Variants in DENR observed in about 807,000 individuals in gnomAD.
The protein encoded by DENR is density regulated re-initiation and release factor.
In DENR, 6 loss-of-function variants were observed where a neutral mutation model predicts 30.6. That is an observed-to-expected ratio of 0.20 (90% CI 0.11 to 0.39). The LOEUF (loss-of-function observed/expected upper bound fraction) is 0.39. Ranked by LOEUF, DENR falls within the 10% of genes least tolerant of loss-of-function variation. The probability of loss-of-function intolerance (pLI) is 1.00; values close to 1 mark genes in which losing one functional copy is unlikely to be tolerated. For synonymous variants in DENR, 78 were observed against 72.1 expected (o/e 1.08, Z -0.41); for missense variants, 141 against 230.9 (o/e 0.61, Z 2.52).
rs1371808998 is a variant in DENR at position 122,769,753 on chromosome 12, C to T, written c.*675C>T. On this transcript the variant is annotated 3_prime_UTR_variant, in exon 8 of 8. Transcript: ENST00000280557. ...AACTCCTGACCTCGTGATTGGCCCA[C>T]CTCAGCCTCCCAAAGTGCTGGTATT... The T allele has an allele frequency of 3.9e-5, 6 of 152,402 alleles. No individual in the cohort carries two copies. The highest frequency in any genetic ancestry group is 5.9e-5 in the Non-Finnish European group (4 of 68,204). 9.4% of individuals were successfully genotyped at this position (152,402 alleles called of 1,614,324 possible). A position where few individuals can be genotyped will look rare whatever the true frequency, so the allele number is the denominator to read the frequency against.
chr12:122,763,488 C>CTG (rs1878762852), intron 4 of DENR, among the ~76,000 whole-genome samples: 1 of 152,038 alleles, frequency 6.6e-6, no homozygotes, highest in African/African-American at 2.4e-5. Flanking sequence ...GGTGGATCAC[C>CTG]TGTGGTCGGG....
At chr12:122,762,300 G>A in intron 3 of DENR, 94 bp downstream of exon 3, 1 of 879,110 alleles carries the variant, frequency 1.1e-6, no homozygotes, top group Non-Finnish European at 1.7e-6. Context: ...TTTCATTTTT[G>A]ATTATTTGAT....
intron 4 of DENR, among the ~76,000 whole-genome samples, chr12:122,763,591 C>T (rs911050655): frequency 1.3e-5 from 2 of 151,998 alleles, no homozygotes; most frequent in Admixed American, 6.6e-5. Flanking sequence ...ATCCTAGCTA[C>T]TCGGGAGGCT....
In DENR at chr12:122,768,819, A is replaced by G. The variant is rs776378968; in HGVS notation, c.450A>G (p.Gln150=). The change falls in exon 7 of 8, where the codon CAA becomes CAG. Residue 150 remains glutamine (Q), a synonymous_variant. Transcript: ENST00000280557. The part of the protein sequence containing the change: ...DLKEAQRFFA[Q]KFSCGASVTG... ...AAGAAGCACAAAGATTTTTTGCTCA[A>G]AAATTCTCCTGTGGTGCCTCAGTAA... The G allele has an allele frequency of 1.6e-5, 26 of 1,596,334 alleles. No individual in the cohort carries two copies. The highest frequency in any genetic ancestry group is 1.6e-4 in the African/African-American group (12 of 74,494).
intron 2 of DENR, 176 bp downstream of exon 2, chr12:122,753,983 G>GTA: frequency 1.6e-6 from 1 of 630,168 alleles, no homozygotes; most frequent in Non-Finnish European, 2.9e-6. Flanking sequence ...CCACCTGGGT[G>GTA]ATTTGTGTCT....
At chr12:122,762,749 C>A in intron 3 of DENR, 96 bp from the exon 4 acceptor site, 450 of 771,606 alleles carry the variant, frequency 5.8e-4, no homozygotes, top group East Asian at 1.3e-3. Context: ...TTGTTTTATT[C>A]TTTGTATTAA....
chr12:122,767,523 G>T lies in DENR; in HGVS notation c.331G>T (p.Val111Leu), dbSNP rs759381165. Reference protein sequence around the residue: ...RGQIKQKKKTVPQKVTIAKIP... With the variant: ...RGQIKQKKKTLPQKVTIAKIP... ...TCAAATAAAACAAAAAAAGAAGACC[G>T]TACCACAAAAGGTTACTATAGCCAA... Residue 111 changes from valine (V) to leucine (L), a missense_variant, in exon 6 of 8, where the codon GTA (valine) becomes TTA (leucine). Around this residue, in one of 2 missense-constraint regions of DENR, gnomAD observed 104 missense variants for 138.3 expected, o/e 0.75. Transcript: ENST00000280557. The T allele has an allele frequency of 1.3e-6, 2 of 1,590,038 alleles. No individual in the cohort carries two copies. The highest frequency in any genetic ancestry group is 2.3e-5 in the East Asian group (1 of 44,044).
At chr12:122,756,035 T>C (rs1878541359) in intron 2 of DENR, among the ~76,000 whole-genome samples, 1 of 152,242 alleles carries the variant, frequency 6.6e-6, no homozygotes, top group Non-Finnish European at 1.5e-5. Context: ...AAACAATTTT[T>C]ACCTAGTATC....
intron 2 of DENR, 30 bp downstream of exon 2, chr12:122,753,837 T>C (rs763550154): frequency 1.3e-6 from 2 of 1,504,126 alleles, no homozygotes; most frequent in South Asian, 1.1e-5. Context: ...GAATGACTTT[T>C]ACTCACTATA....
At chr12:122,763,398 CAA>C (rs11286951) in intron 4 of DENR, 30 of 150,478 alleles carry the variant, frequency 2.0e-4, no homozygotes, top group East Asian at 4.0e-4. Context: ...GACTCCGTCT[CAA>C]AAAAAAAAAG....
In DENR at chr12:122,758,204, G is replaced by A. The variant is rs574696800; in HGVS notation, c.107-3983G>A. ...CTCCTGGTTCAGCCTCCCGAGTAGC[G>A]GAGATTACAGGCGCCTGCCACCGTG... is the stretch of plus-strand genomic sequence containing the variant. On this transcript the variant is annotated intron_variant, in intron 2 of 7. Transcript: ENST00000280557. 5.9e-5 allele frequency among the ~76,000 whole-genome samples: 9 copies of A among 152,158 alleles called. No homozygotes were observed. In the South Asian group the frequency reaches 1.9e-3, roughly 32 times the overall value.
chr12:122,753,526 G>C (rs561258985), intron 1 of DENR, among the ~76,000 whole-genome samples, 167 bp from the exon 2 acceptor site: 1 of 152,262 alleles, frequency 6.6e-6, no homozygotes, highest in South Asian at 2.1e-4. Context: ...AGGAGATGTT[G>C]TGCCTGGGAT....
rs149009751 is a variant in DENR, at chr12:122,769,148, T to TAA, written c.*73_*74dup. ...TATGGCCAAAGGGAGAGAGGCCTTT[T>TAA]AAAATATATATATATATACACATAT... is the stretch of plus-strand genomic sequence containing the variant. On this transcript the variant is annotated 3_prime_UTR_variant, in exon 8 of 8. Coordinates refer to ENST00000280557, the MANE Select transcript of DENR (RefSeq NM_003677.5). 63,183 of 1,426,238 alleles carry TAA rather than the reference T, an allele frequency of 0.044. 2,483 individuals carry two copies. The highest frequency in any genetic ancestry group is 0.22 in the East Asian group (8,554 of 38,482). 88.3% of individuals were successfully genotyped at this position (1,426,238 alleles called of 1,614,324 possible).
rs1878970375 is a variant in DENR, at chr12:122,769,447, G to A, written c.*369G>A. On this transcript the variant is annotated 3_prime_UTR_variant, in exon 8 of 8. Transcript: ENST00000280557. ...ACGGGAGACTGTCATGCTCATGCAT[G>A]AATAGAATTTAGTCAAATAAAAAAT... is the stretch of plus-strand genomic sequence containing the variant. The A allele has an allele frequency of 3.0e-5, 30 of 986,486 alleles. No homozygotes were observed. The highest frequency in any genetic ancestry group is 3.5e-5 in the Non-Finnish European group (29 of 830,898). 61.1% of individuals were successfully genotyped at this position (986,486 alleles called of 1,614,324 possible). A position where few individuals can be genotyped will look rare whatever the true frequency, so the allele number is the denominator to read the frequency against.
At position 122,770,760 on chromosome 12, in the gene DENR, AAAAT is replaced by A. The variant is rs1234048698; in HGVS notation, c.*1686_*1689del. ...TACAATCTTGAATGAGTGTTTTTTA[AAAAT>A]AAAGTATTAGAAAAATGTGTAGTAA... On this transcript the variant is annotated 3_prime_UTR_variant, in exon 8 of 8. Coordinates refer to ENST00000280557, the MANE Select transcript of DENR (RefSeq NM_003677.5). The A allele has an allele frequency of 2.5e-6, 1 of 398,368 alleles. No individual in the cohort carries two copies. Among genetic ancestry groups the A allele is most frequent in the Non-Finnish European group, 4.4e-6 (1 of 226,032 alleles). 24.7% of individuals were successfully genotyped at this position (398,368 alleles called of 1,614,324 possible).
chr12:122,770,694 A>G lies in DENR; in HGVS notation c.*1616A>G. ...TAAGTTGCTGTGGACACTTTTAAGA[A>G]ACTTAGAACCCATGGAACCCTTGTT... On this transcript the variant is annotated 3_prime_UTR_variant, in exon 8 of 8. Coordinates refer to ENST00000280557, the MANE Select transcript of DENR (RefSeq NM_003677.5). 2.5e-6 allele frequency: 1 copy of G among 398,570 alleles called. No homozygotes were observed. Among genetic ancestry groups the G allele is most frequent in the Non-Finnish European group, 4.4e-6 (1 of 226,038 alleles). The allele number at this position is 398,570 out of a possible 1,614,324, so 24.7% of individuals were successfully genotyped here.
rs200147991 is a variant in DENR, at chr12:122,767,635, T to C, written c.412+31T>C. 8.4e-4 allele frequency: 1,088 copies of C among 1,288,082 alleles called. 5 individuals carry two copies. Among genetic ancestry groups the C allele is most frequent in the Middle Eastern group, 6.2e-3 (33 of 5,284 alleles). 79.8% of individuals were successfully genotyped at this position (1,288,082 alleles called of 1,614,324 possible). On this transcript the variant is annotated intron_variant, in intron 6 of 7. Transcript: ENST00000280557. Reference sequence around the variant, plus strand: ...TTCAGGCTTAAGTATATTTAAAATGTGTGAACTATTTTCTCTCTCTGTCTC... The same window carrying C: ...TTCAGGCTTAAGTATATTTAAAATGCGTGAACTATTTTCTCTCTCTGTCTC...
intron 2 of DENR, among the ~76,000 whole-genome samples, chr12:122,757,031 G>A (rs1260122): frequency 0.038 from 5,859 of 152,226 alleles, 413 homozygotes; most frequent in African/African-American, 0.13. Context: ...GAAATAAACT[G>A]GATGTAGTTT....
Position 122,769,227 on chromosome 12 carries a change from CATGTGTGTATGT to C in DENR, c.*152_*163del. On this transcript the variant is annotated 3_prime_UTR_variant, in exon 8 of 8. Transcript: ENST00000280557. Reference sequence around the variant, plus strand: ...ATACACATATACACATGTATATATACATGTGTGTATGTATACATGTATATATATATACATACA... The same window carrying C: ...ATACACATATACACATGTATATATACATACATGTATATATATATACATACA... 1.2e-6 allele frequency: 1 copy of C among 814,836 alleles called. No homozygotes were observed. The highest frequency in any genetic ancestry group is 1.6e-6 in the Non-Finnish European group (1 of 643,644). 50.5% of individuals were successfully genotyped at this position (814,836 alleles called of 1,614,324 possible). A position where few individuals can be genotyped will look rare whatever the true frequency, so the allele number is the denominator to read the frequency against.
Sources: allele counts gnomAD v4.1 joint callset (sites outside exome capture counted in the v4.1 genomes callset), GRCh38; gene constraint gnomAD v4.1.1; regional missense constraint gnomAD v4.1.1; transcripts MANE v1.5; gene names NCBI Gene and HGNC (gene_info 2026-07-23, HGNC 2026-07-21).